Variants in ELAVL2 observed in about 807,000 individuals in gnomAD.
ELAVL2 encodes ELAV-like protein 2.
Under a neutral mutation model 34.6 loss-of-function variants are expected in ELAVL2, and 4 were observed. That is an observed-to-expected ratio of 0.12 (90% CI 0.06 to 0.26). ELAVL2 has a LOEUF of 0.26. Among genes scored for constraint, ELAVL2 ranks in the 10% least tolerant of loss-of-function variants. The pLI is 1.00. For synonymous variants in ELAVL2, 193 were observed against 154.8 expected, an observed-to-expected ratio of 1.25 and a Z score of -1.83; for missense variants, 432 against 442.8, an observed-to-expected ratio of 0.98 and a Z score of 0.22.
At chr9:23,700,339 A>C (rs1325944469) in intron 5 of ELAVL2, among the ~76,000 whole-genome samples, 1 of 152,188 alleles carries the variant, frequency 6.6e-6, no homozygotes, top group South Asian at 2.1e-4. Context: ...TGAAACCAAA[A>C]ACTCTCTGCT....
the ELAVL2 span, among the ~76,000 whole-genome samples, chr9:23,837,555 G>GTT: frequency 2.0e-5 from 3 of 152,158 alleles, no homozygotes; most frequent in Non-Finnish European, 2.9e-5. Flanking sequence ...AGGAAGTTAA[G>GTT]TAATTTGCCC....
chr9:23,746,455 G>C lies in ELAVL2; in HGVS notation c.230-15330C>G, dbSNP rs369153466. Among the ~76,000 whole-genome samples the C allele has an allele frequency of 4.6e-5, 7 of 152,262 alleles. No homozygotes were observed. The East Asian group carries it at 1.2e-3, about 25-fold the overall frequency. ...AAGAGTCACAGAGCGTTTTCAGAAT[G>C]AGTAAGGGCTGGGAACCAGACTTCA... On this transcript the variant is annotated intron_variant, in intron 2 of 6. Coordinates refer to ENST00000397312, the MANE Select transcript of ELAVL2 (RefSeq NM_004432.5).
intron 3 of ELAVL2, among the ~76,000 whole-genome samples, chr9:23,729,522 A>C (rs1313848893): frequency 6.6e-6 from 1 of 152,152 alleles, no homozygotes; most frequent in African/African-American, 2.4e-5. Flanking sequence ...AAAGCAGTTC[A>C]GACTGAAAAA....
At chr9:23,693,416 G>T in intron 6 of ELAVL2, 32 bp downstream of exon 6, 2 of 1,613,024 alleles carry the variant, frequency 1.2e-6, no homozygotes, top group South Asian at 2.2e-5. Context: ...CTGTGGAAAG[G>T]GATTATGAGT....
At chr9:23,743,915 G>A (rs1329797931) in intron 2 of ELAVL2, among the ~76,000 whole-genome samples, 1 of 152,180 alleles carries the variant, frequency 6.6e-6, no homozygotes, top group Non-Finnish European at 1.5e-5. Flanking sequence ...TAAACAATAT[G>A]AAGGACCATC....
At chr9:23,696,761 C>T (rs1237268008) in intron 5 of ELAVL2, among the ~76,000 whole-genome samples, 4 of 152,104 alleles carry the variant, frequency 2.6e-5, no homozygotes, top group Admixed American at 6.5e-5. Flanking sequence ...TGAGCCACCA[C>T]GCCCAGCCAT....
At chr9:23,798,262 CT>C (rs1040726944) in intron 1 of ELAVL2, among the ~76,000 whole-genome samples, 2 of 152,188 alleles carry the variant, frequency 1.3e-5, no homozygotes, top group African/African-American at 4.8e-5. Context: ...AAACAGGACC[CT>C]TTATTTGATT....
chr9:23,791,737 T>TTC (rs2060347316), intron 1 of ELAVL2, among the ~76,000 whole-genome samples: 1 of 152,184 alleles, frequency 6.6e-6, no homozygotes, highest in Non-Finnish European at 1.5e-5. Context: ...GAAGGTGGCC[T>TTC]TCTGCAAGCC....
At chr9:23,785,167 A>T (rs2059533219) in intron 1 of ELAVL2, among the ~76,000 whole-genome samples, 1 of 152,204 alleles carries the variant, frequency 6.6e-6, no homozygotes, top group Admixed American at 6.5e-5. Context: ...TGAGAAGTAC[A>T]TATATCAAGG....
intron 2 of ELAVL2, among the ~76,000 whole-genome samples, chr9:23,734,836 T>A (rs925823841): frequency 2.0e-5 from 3 of 151,800 alleles, no homozygotes; most frequent in African/African-American, 7.3e-5. Context: ...AAAAAATACC[T>A]TACCTACCCT....
chr9:23,766,807 A>G (rs911761411), intron 1 of ELAVL2, among the ~76,000 whole-genome samples: 2 of 152,152 alleles, frequency 1.3e-5, no homozygotes, highest in Non-Finnish European at 2.9e-5. Context: ...CCCTTCACTT[A>G]AGGACAGGCA....
intron 2 of ELAVL2, among the ~76,000 whole-genome samples, chr9:23,753,549 T>G (rs1211518896): frequency 3.3e-5 from 5 of 152,160 alleles, no homozygotes; most frequent in Non-Finnish European, 7.4e-5. Flanking sequence ...ATAAATCATT[T>G]TCATACCAAA....
chr9:23,769,802 C>T (rs1174712983), intron 1 of ELAVL2, among the ~76,000 whole-genome samples: 2 of 152,172 alleles, frequency 1.3e-5, no homozygotes, highest in Admixed American at 1.3e-4. Flanking sequence ...TTTTCTGTCT[C>T]TTGGCCCTTT....
chr9:23,730,954 C>A, intron 3 of ELAVL2, 68 bp downstream of exon 3: 2 of 1,425,688 alleles, frequency 1.4e-6, no homozygotes, highest in Middle Eastern at 3.7e-4. Context: ...AAGGAAAGAA[C>A]TACAAATAAA....
Position 23,690,169 on chromosome 9 carries a change from G to T in ELAVL2, c.*2388C>A, listed in dbSNP as rs2132576636. 6.5e-6 allele frequency: 1 copy of T among 152,690 alleles called. No individual in the cohort carries two copies. Among genetic ancestry groups the T allele is most frequent in the East Asian group, 1.9e-4 (1 of 5,166 alleles). The allele number at this position is 152,690 out of a possible 1,614,324, so 9.5% of individuals were successfully genotyped here. A position where few individuals can be genotyped will look rare whatever the true frequency, so the allele number is the denominator to read the frequency against. On this transcript the variant is annotated 3_prime_UTR_variant, in exon 7 of 7. Coordinates refer to ENST00000397312, the MANE Select transcript of ELAVL2 (RefSeq NM_004432.5). The stretch of plus-strand genomic sequence containing the variant: ...AAGTACAAAGAATCCAAACACAAAA[G>T]AAAACATGTACAGCCTCTTAAATAC...
chr9:23,760,080 G>A (rs1292023920), intron 2 of ELAVL2, among the ~76,000 whole-genome samples: 1 of 151,744 alleles, frequency 6.6e-6, no homozygotes, highest in Non-Finnish European at 1.5e-5. Context: ...TAAAGTTAGA[G>A]AGGCAAAGGA....
At chr9:23,783,808 G>A (rs2059365456) in intron 1 of ELAVL2, among the ~76,000 whole-genome samples, 1 of 152,152 alleles carries the variant, frequency 6.6e-6, no homozygotes, top group Admixed American at 6.5e-5. Flanking sequence ...AAAAAATCAG[G>A]CTCAGAACAG....
At chr9:23,795,211 T>C (rs1423217881) in intron 1 of ELAVL2, among the ~76,000 whole-genome samples, 3 of 152,178 alleles carry the variant, frequency 2.0e-5, no homozygotes, top group African/African-American at 4.8e-5. Flanking sequence ...TTATATAAGA[T>C]TCCCTAAGAA....
the ELAVL2 span, among the ~76,000 whole-genome samples, chr9:23,834,760 T>G: frequency 7.8e-4 from 118 of 152,168 alleles, no homozygotes; most frequent in African/African-American, 2.7e-3. Context: ...CCAAAAGGCA[T>G]AAAATCATCT....
Sources: gnomAD v4.1 joint callset for allele counts (sites outside exome capture counted in the v4.1 genomes callset) on GRCh38, gnomAD v4.1.1 for gene constraint, MANE v1.5 for transcripts, NCBI Gene and HGNC (gene_info 2026-07-23, HGNC 2026-07-21) for gene names.